Variants in TTN observed in about 807,000 individuals in gnomAD.
The protein encoded by TTN is titin.
In TTN, 1,525 loss-of-function variants were observed where a neutral mutation model predicts 3,223.0. That is an observed-to-expected ratio of 0.47 (90% confidence interval 0.45 to 0.49). TTN has a LOEUF of 0.49. Ranked by LOEUF, TTN falls within the 20% of genes least tolerant of loss-of-function variation. The pLI, the probability that TTN is intolerant of heterozygous loss-of-function variation, is 0.00. For missense variants in TTN, 40,786 were observed against 43,424.0 expected, an observed-to-expected ratio of 0.94 and a Z score of 5.40; for synonymous variants, 14,094 against 15,161.0, an observed-to-expected ratio of 0.93 and a Z score of 5.17.
intron 37 of TTN, among the ~76,000 whole-genome samples, chr2:178,769,356 C>A (rs973506871): frequency 6.6e-6 from 1 of 151,950 alleles, no homozygotes; most frequent in Admixed American, 6.6e-5. Context: ...TGGGCCCAAG[C>A]GATCTTCCCA....
At position 178,537,773 on chromosome 2, in the gene TTN, C is replaced by T. The variant is rs371531675; in HGVS notation, c.99434G>A (p.Arg33145Gln). 74 of 1,613,648 alleles carry T rather than the reference C, an allele frequency of 4.6e-5. No homozygotes were observed. The highest frequency in any genetic ancestry group is 1.2e-4 in the Admixed American group (7 of 59,974). Residue 33145 changes from arginine to glutamine, a missense_variant, in exon 355 of 363, where the codon CGG becomes CAG. Coordinates refer to ENST00000589042, the MANE Select transcript of TTN (RefSeq NM_001267550.2). ...YRFGKELIQS[R>Q]KYKMSSDGRT... ...TCCATCTGAAGACATTTTGTATTTC[C>T]GGCTTTGTATGAGCTCTTTACCAAA...
At chr2:178,804,913 T>C (rs540754893) in intron 1 of TTN, among the ~76,000 whole-genome samples, 1 of 152,300 alleles carries the variant, frequency 6.6e-6, no homozygotes, top group African/African-American at 2.4e-5. Flanking sequence ...GAACAAGGAA[T>C]GAACCCTAGT....
chr2:178,667,897 T>C (rs1381467176), intron 159 of TTN, among the ~76,000 whole-genome samples, 176 bp from the exon 160 acceptor site: 5 of 152,182 alleles, frequency 3.3e-5, no homozygotes, highest in Admixed American at 3.3e-4. Flanking sequence ...AGTTTCATGA[T>C]GTAAGACTCT....
chr2:178,675,986 A>G lies in TTN; in HGVS notation c.34388T>C (p.Ile11463Thr). The change falls in exon 148 of 363, where the codon ATT (isoleucine) becomes ACT (threonine). Residue 11463 changes from isoleucine to threonine, a missense_variant. Ile to Thr is a moderately conservative substitution (Grantham distance 89). Transcript: ENST00000589042. ...EPPPPPKVPE[I>T]KKKVTEKKVV... ...TTTCTTCTCTGTCACTTTCTTCTTAATTTCAGGCACTTTAAAGACATCATT... is the reference window on the plus strand; with the variant it reads ...TTTCTTCTCTGTCACTTTCTTCTTAGTTTCAGGCACTTTAAAGACATCATT... The G allele has an allele frequency of 2.5e-6, 4 of 1,600,596 alleles. No individual in the cohort carries two copies. Among genetic ancestry groups the G allele is most frequent in the Non-Finnish European group, 3.4e-6 (4 of 1,172,478 alleles).
Position 178,703,065 on chromosome 2 carries a change from G to A in TTN, c.30224-402C>T, listed in dbSNP as rs148738735. ...TCAGTAAAATAATTTTTGCTATTCA[G>A]GATCTATAATTGTTTATCTAATATG... On this transcript the variant is annotated intron_variant, in intron 106 of 362. Transcript: ENST00000589042. Among the ~76,000 whole-genome samples, 239 of 152,184 alleles carry A rather than the reference G, an allele frequency of 1.6e-3. 1 individual carries two copies. Among genetic ancestry groups the A allele is most frequent in the African/African-American group, 5.4e-3 (224 of 41,506 alleles).
Position 178,531,854 on chromosome 2 carries a change from G to T in TTN, c.104761C>A (p.Gln34921Lys). 1 of 1,613,734 alleles carries T rather than the reference G, an allele frequency of 6.2e-7. No individual in the cohort carries two copies. Residue 34921 changes from glutamine to lysine, a missense_variant, in exon 358 of 363, where the codon CAG (glutamine) becomes AAG (lysine). Coordinates refer to ENST00000589042, the MANE Select transcript of TTN (RefSeq NM_001267550.2). ...YESMKAALKT[Q>K]KTSERKYEVL... is the part of the protein sequence containing the mutation. ...TCATACTTCCTTTCTGATGTCTTCT[G>T]AGTTTTTAAAGCAGCTTTCATGGAC...
intron 47 of TTN, chr2:178,745,872 C>G (rs752229194): frequency 2.5e-6 from 4 of 1,612,560 alleles, no homozygotes; most frequent in South Asian, 1.1e-5. Flanking sequence ...GGCCCTTCCA[C>G]CACCTGAAAT....
chr2:178,777,409 T>C lies in TTN; in HGVS notation c.4645+11A>G. On this transcript the variant is annotated intron_variant, in intron 26 of 362. Transcript: ENST00000589042. ...AGAAAATTCATTTATTTTTATTTTATCTCATTTTACCTTCCACAGTTAAAA... is the reference window on the plus strand; with the variant it reads ...AGAAAATTCATTTATTTTTATTTTACCTCATTTTACCTTCCACAGTTAAAA... 6.2e-7 allele frequency: 1 copy of C among 1,612,732 alleles called. No homozygotes were observed. The highest frequency in any genetic ancestry group is 8.5e-7 in the Non-Finnish European group (1 of 1,179,368).
Position 178,729,034 on chromosome 2 carries a change from T to A in TTN, c.19004A>T (p.Asp6335Val). 2 of 1,612,910 alleles carry A rather than the reference T, an allele frequency of 1.2e-6. No homozygotes were observed. Among genetic ancestry groups the A allele is most frequent in the Non-Finnish European group, 1.7e-6 (2 of 1,179,428 alleles). Residue 6335 changes from aspartate (D) to valine (V), a missense_variant, in exon 65 of 363, where the codon GAT (aspartate) becomes GTT (valine). Coordinates refer to ENST00000589042, the MANE Select transcript of TTN (RefSeq NM_001267550.2). ...CACAAATGAAATATAGACATTATCATCTTCATCAAGAATCTGATCATCCTT... is the reference window on the plus strand; with the variant it reads ...CACAAATGAAATATAGACATTATCAACTTCATCAAGAATCTGATCATCCTT... ...WLKDDQILDE[D>V]DNVYISFVDS...
chr2:178,679,598 C>A lies in TTN; in HGVS notation c.33664+1G>T, dbSNP rs1443954309. On this transcript the variant is annotated splice_donor_variant, in intron 141 of 362. Coordinates refer to ENST00000589042, the MANE Select transcript of TTN (RefSeq NM_001267550.2). LOFTEE classifies it high-confidence loss of function. ...ATACCCGTCAATGAATGGTGGTGTA[C>A]CTTTTGCCGGTGGAGCTTCCTTCTT... The A allele has an allele frequency of 6.2e-7, 1 of 1,610,008 alleles. No homozygotes were observed. Among genetic ancestry groups the A allele is most frequent in the Non-Finnish European group, 8.5e-7 (1 of 1,178,618 alleles).
Position 178,756,792 on chromosome 2 carries a change from C to T in TTN, c.10684G>A (p.Ala3562Thr), listed in dbSNP as rs2154335125. 3.1e-6 allele frequency: 5 copies of T among 1,613,294 alleles called. No homozygotes were observed. The highest frequency in any genetic ancestry group is 4.2e-6 in the Non-Finnish European group (5 of 1,179,546). ...TTCCCAGAACTTTGCCTATCTAGGG[C>T]TTGCACTGTATAATCAAGTGACAAG... ...ATLTVTPKVQ[A>T]LDRQSSGKDV... The change falls in exon 46 of 363, where the codon GCC becomes ACC. Residue 3562 changes from alanine (A) to threonine (T), a missense_variant. Transcript: ENST00000589042.
In TTN at chr2:178,740,225, T is replaced by G; in HGVS notation, c.13008A>C (p.Glu4336Asp). Reference sequence around the variant, plus strand: ...GCTCTTCTTTGAGCAGTACCTGCTTTTCTTCAAGTGCTAGTGGAAATCTTA... The same window carrying G: ...GCTCTTCTTTGAGCAGTACCTGCTTGTCTTCAAGTGCTAGTGGAAATCTTA... Reference protein sequence around the residue: ...KSLRFPLALEEKQVLLKEEHS... With the variant: ...KSLRFPLALEDKQVLLKEEHS... Residue 4336 changes from glutamate to aspartate, a missense_variant, in exon 48 of 363, where the codon GAA becomes GAC. Transcript: ENST00000589042. The G allele has an allele frequency of 6.2e-7, 1 of 1,613,710 alleles. No individual in the cohort carries two copies. Among genetic ancestry groups the G allele is most frequent in the Non-Finnish European group, 8.5e-7 (1 of 1,179,812 alleles).
Position 178,617,521 on chromosome 2 carries a change from AAAG to A in TTN, c.47573-12_47573-10del, listed in dbSNP as rs2057565896. 2 of 1,573,962 alleles carry A rather than the reference AAAG, an allele frequency of 1.3e-6. No homozygotes were observed. The highest frequency in any genetic ancestry group is 1.7e-6 in the Non-Finnish European group (2 of 1,167,064). On this transcript the variant is annotated splice_polypyrimidine_tract_variant and intron_variant, in intron 253 of 362. Coordinates refer to ENST00000589042, the MANE Select transcript of TTN (RefSeq NM_001267550.2). ...AGGAGGACTTGGTCTCTCTGGAATA[AAAG>A]AAGGAGTTGGAGCATACCATTTACG...
In TTN at chr2:178,558,075, G is replaced by A. The variant is rs769998192; in HGVS notation, c.87279C>T (p.Thr29093=). ...TGGTCAGGTTCTCAGCAGTAATTTC[G>A]GTATTAAATCTCATGGTTGCCTTAA... The part of the protein sequence containing the change: ...VPLKATMRFN[T]EITAENLTIN... The change falls in exon 328 of 363, where the codon ACC becomes ACT. Residue 29093 remains threonine (T), a synonymous_variant. Transcript: ENST00000589042. 7.4e-6 allele frequency: 12 copies of A among 1,613,658 alleles called. No homozygotes were observed. The East Asian group carries it at 8.9e-5, about 12-fold the overall frequency.
chr2:178,758,930 T>C, intron 44 of TTN, 54 bp downstream of exon 44: 3 of 1,508,040 alleles, frequency 2.0e-6, no homozygotes, highest in Non-Finnish European at 2.8e-6. Context: ...GTTACAGACA[T>C]TGTTAAGATT....
chr2:178,773,672 C>G lies in TTN; in HGVS notation c.7384G>C (p.Ala2462Pro). 1.2e-6 allele frequency: 2 copies of G among 1,614,014 alleles called. No individual in the cohort carries two copies. Among genetic ancestry groups the G allele is most frequent in the South Asian group, 1.1e-5 (1 of 91,078 alleles). The change falls in exon 32 of 363, where the codon GCT becomes CCT. Residue 2462 changes from alanine to proline, a missense_variant. Coordinates refer to ENST00000589042, the MANE Select transcript of TTN (RefSeq NM_001267550.2). ...KDVNVIEGTK[A>P]VLECKVSVPD... ...ACTGACACCTTACATTCAAGCACAG[C>G]CTTGGTGCCTTCAATCACATTAACA...
rs35683768 is a variant in TTN at position 178,802,255 on chromosome 2, C to T, written c.178G>A (p.Asp60Asn). Residue 60 changes from aspartate (D) to asparagine (N), a missense_variant, in exon 3 of 363, where the codon GAT becomes AAT. By Grantham distance (23) the Asp-to-Asn change is conservative (BLOSUM62 1). Coordinates refer to ENST00000589042, the MANE Select transcript of TTN (RefSeq NM_001267550.2). ...GGGATCGTCAGTTTAGCGCGGCCAT[C>T]GCTAAAGGAGATCTGCACGCCGGGC... Reference protein sequence around the residue: ...TLPGVQISFSDGRAKLTIPAV... With the variant: ...TLPGVQISFSNGRAKLTIPAV... 19 of 1,613,946 alleles carry T rather than the reference C, an allele frequency of 1.2e-5. No individual in the cohort carries two copies. Among genetic ancestry groups the T allele is most frequent in the African/African-American group, 4.0e-5 (3 of 74,872 alleles).
At chr2:178,688,083 T>A (rs1032508423) in intron 127 of TTN, 28 bp downstream of exon 127, 1 of 1,590,494 alleles carries the variant, frequency 6.3e-7, no homozygotes, top group African/African-American at 1.3e-5. Context: ...AAACCCCAGA[T>A]CATCTCTAGC....
chr2:178,718,804 G>T lies in TTN; in HGVS notation c.24396C>A (p.Val8132=), dbSNP rs756462630. Residue 8132 remains valine (V), a synonymous_variant, in exon 84 of 363, where the codon GTC becomes GTA. Coordinates refer to ENST00000589042, the MANE Select transcript of TTN (RefSeq NM_001267550.2). ...ESCNISLEDF[V]TELELFEVQP... Reference sequence around the variant, plus strand: ...GCACCTCAAACAACTCCAGTTCTGTGACAAAATCTTCCAGAGAGATGTTGC... The same window carrying T: ...GCACCTCAAACAACTCCAGTTCTGTTACAAAATCTTCCAGAGAGATGTTGC... 6.2e-7 allele frequency: 1 copy of T among 1,613,746 alleles called. No homozygotes were observed. The highest frequency in any genetic ancestry group is 2.2e-5 in the East Asian group (1 of 44,858).
Sources: gnomAD v4.1 joint callset for allele counts (sites outside exome capture counted in the v4.1 genomes callset) on GRCh38, gnomAD v4.1.1 for gene constraint, MANE v1.5 for transcripts, NCBI Gene and HGNC (gene_info 2026-07-23, HGNC 2026-07-21) for gene names.